Variants in BMP8B observed in about 807,000 individuals in gnomAD.
The protein encoded by BMP8B is bone morphogenetic protein 8b.
BMP8B carries 17 observed loss-of-function variants against 30.3 expected under a neutral mutation model. That is an observed-to-expected ratio of 0.56 (90% confidence interval 0.38 to 0.84). The LOEUF is 0.84. Among genes scored for constraint, BMP8B ranks in the 40% least tolerant of loss-of-function variants. The probability of loss-of-function intolerance (pLI) is 0.00; values close to 1 mark genes in which losing one functional copy is unlikely to be tolerated. For missense variants in BMP8B, 253 were observed against 494.6 expected, an observed-to-expected ratio of 0.51 and a Z score of 4.63; for synonymous variants, 131 against 214.7, an observed-to-expected ratio of 0.61 and a Z score of 3.41.
chr1:39,767,091 G>C (rs1414516684), intron 3 of BMP8B, among the ~76,000 whole-genome samples: 13 of 152,006 alleles, frequency 8.6e-5, no homozygotes, highest in African/African-American at 3.1e-4. Context: ...GGGTCTTATG[G>C]GGGGTCTCCC....
chr1:39,771,386 A>T, intron 3 of BMP8B: 1 of 859,382 alleles, frequency 1.2e-6, no homozygotes, highest in Non-Finnish European at 1.6e-6. Context: ...GGCCAGGCGC[A>T]GGCTCTAGGC....
intron 1 of BMP8B, among the ~76,000 whole-genome samples, chr1:39,778,167 C>A (rs1201665515): frequency 3.3e-5 from 5 of 152,246 alleles, no homozygotes; most frequent in African/African-American, 4.8e-5. Context: ...CCCAGGACAG[C>A]GGCTCAGTGT....
At chr1:39,768,925 T>C (rs1449259476) in intron 3 of BMP8B, among the ~76,000 whole-genome samples, 1 of 150,260 alleles carries the variant, frequency 6.7e-6, no homozygotes, top group East Asian at 2.0e-4. Context: ...ATGTCTGTAA[T>C]CCCAGCACTT....
chr1:39,780,298 A>G (rs958401609), intron 1 of BMP8B, among the ~76,000 whole-genome samples: 9 of 152,222 alleles, frequency 5.9e-5, no homozygotes, highest in Non-Finnish European at 1.2e-4. Flanking sequence ...TATAGATGAG[A>G]GCACTAAAGA....
chr1:39,761,831 GGTT>G (rs1229958385), intron 6 of BMP8B, among the ~76,000 whole-genome samples: 4 of 152,162 alleles, frequency 2.6e-5, no homozygotes, highest in African/African-American at 4.8e-5. Flanking sequence ...TCACCTCCAC[GGTT>G]GTTTTGCTTT....
chr1:39,787,233 C>T (rs6678390), intron 1 of BMP8B, among the ~76,000 whole-genome samples: 27,339 of 149,308 alleles, frequency 0.18, 2,674 homozygotes, highest in East Asian at 0.3. Context: ...GGCTGATGGC[C>T]GGGGCCAGGG....
intron 4 of BMP8B, among the ~76,000 whole-genome samples, chr1:39,764,078 G>A (rs1281138996): frequency 3.3e-5 from 5 of 150,180 alleles, no homozygotes; most frequent in African/African-American, 9.9e-5. Context: ...CAGGACCCTC[G>A]GCCATCCTGT....
At chr1:39,776,212 G>T (rs1650219633) in intron 1 of BMP8B, among the ~76,000 whole-genome samples, 1 of 152,200 alleles carries the variant, frequency 6.6e-6, no homozygotes, top group Admixed American at 6.5e-5. Flanking sequence ...GGCAGGGGCT[G>T]GCCTGCCAAT....
intron 3 of BMP8B, among the ~76,000 whole-genome samples, chr1:39,767,483 C>T (rs971931741): frequency 2.9e-5 from 4 of 139,044 alleles, no homozygotes; most frequent in African/African-American, 1.0e-4. Flanking sequence ...CATCCCCAGC[C>T]CTCTCCTTCC....
chr1:39,771,260 G>C, intron 3 of BMP8B: 1 of 1,512,774 alleles, frequency 6.6e-7, no homozygotes, highest in Non-Finnish European at 8.8e-7. Flanking sequence ...CGCCATAGTC[G>C]GCCCGGGTCG....
At chr1:39,784,686 G>A (rs1216870969) in intron 1 of BMP8B, among the ~76,000 whole-genome samples, 1 of 123,556 alleles carries the variant, frequency 8.1e-6, no homozygotes, top group Non-Finnish European at 1.8e-5. Flanking sequence ...TGGGGCCCAC[G>A]GAGATGGTGC....
rs1360047895 is a variant in BMP8B, at chr1:39,763,784, G to A, written c.876C>T (p.Val292=). 1 of 1,600,224 alleles carries A rather than the reference G, an allele frequency of 6.2e-7. No individual in the cohort carries two copies. The highest frequency in any genetic ancestry group is 8.5e-7 in the Non-Finnish European group (1 of 1,171,450). Residue 292 remains valine (V), a synonymous_variant, in exon 5 of 7, where the codon GTC becomes GTT. Transcript: ENST00000372827. ...ANRLPGIFDD[V]HGSHGRQVCR... is the part of the protein sequence containing the mutation. ...AGACCTGCCGGCCGTGGGAGCCGTG[G>A]ACGTCATCTGCAGGGACAGAAGGGG...
rs1651163342 is a variant in BMP8B, at chr1:39,788,426, C to A, written c.60G>T (p.Gly20=). 9.6e-7 allele frequency: 1 copy of A among 1,041,386 alleles called. No homozygotes were observed. Among genetic ancestry groups the A allele is most frequent in the Non-Finnish European group, 1.2e-6 (1 of 867,848 alleles). The allele number at this position is 1,041,386 out of a possible 1,614,324, so 64.5% of individuals were successfully genotyped here. ...LLGLALCALG[G]GGPGLRPPPG... The stretch of plus-strand genomic sequence containing the variant: ...GCGGGGGTCGCAGGCCGGGGCCGCC[C>A]CCGCCCAGCGCGCATAGCGCCAGGC... Residue 20 remains glycine (G), a synonymous_variant, in exon 1 of 7, where the codon GGG becomes GGT. Coordinates refer to ENST00000372827, the MANE Select transcript of BMP8B (RefSeq NM_001720.5). This position sits in a 1 kb window ranked among gnomAD's most constrained non-coding sequence, Gnocchi z 5.8.
chr1:39,763,684 T>C (rs1226463844), intron 5 of BMP8B, 28 bp downstream of exon 5: 2 of 1,581,280 alleles, frequency 1.3e-6, no homozygotes, highest in South Asian at 1.1e-5. Context: ...TGATTGTCAT[T>C]TCAGAAACAA....
At chr1:39,765,862 T>A (rs978571610) in intron 3 of BMP8B, among the ~76,000 whole-genome samples, 3 of 110,538 alleles carry the variant, frequency 2.7e-5, no homozygotes, top group Admixed American at 8.4e-5. Flanking sequence ...CTGGGCAACA[T>A]AGTGAGACCC....
chr1:39,780,774 A>G (rs748722837), intron 1 of BMP8B, among the ~76,000 whole-genome samples: 49 of 152,206 alleles, frequency 3.2e-4, no homozygotes, highest in Non-Finnish European at 5.6e-4. Context: ...AGGCACCTGT[A>G]CTTCCCAGCT....
intron 1 of BMP8B, among the ~76,000 whole-genome samples, chr1:39,777,753 C>T (rs1262313130): frequency 6.6e-6 from 1 of 152,248 alleles, no homozygotes; most frequent in Non-Finnish European, 1.5e-5. Flanking sequence ...CCCCTCAGAC[C>T]CTCCCCAGCC....
intron 1 of BMP8B, among the ~76,000 whole-genome samples, chr1:39,779,141 G>C (rs1650440984): frequency 6.6e-6 from 1 of 152,200 alleles, no homozygotes; most frequent in Non-Finnish European, 1.5e-5. Context: ...CCGTCAACAA[G>C]GCCCTCCTAT....
At chr1:39,780,877 C>T (rs1883649) in intron 1 of BMP8B, among the ~76,000 whole-genome samples, 72,007 of 151,726 alleles carry the variant, frequency 0.47, 17,525 homozygotes, top group African/African-American at 0.59. Context: ...GCCTGGGTGA[C>T]ACAGCGAGAC....
Sources: gnomAD v4.1 joint callset for allele counts (sites outside exome capture counted in the v4.1 genomes callset) on GRCh38, gnomAD v4.1.1 for gene constraint, Gnocchi (gnomAD v3.1) non-coding constraint, MANE v1.5 for transcripts, NCBI Gene and HGNC (gene_info 2026-07-23, HGNC 2026-07-21) for gene names.